PDGFRB: variants seen among roughly 807,000 people sequenced by gnomAD.
PDGFRB encodes the protein platelet-derived growth factor receptor beta.
In PDGFRB, 42 loss-of-function variants were observed where a neutral mutation model predicts 120.2. That is an observed-to-expected ratio of 0.35 (90% CI 0.27 to 0.45). The LOEUF (loss-of-function observed/expected upper bound fraction) is 0.45, where lower values mean the gene tolerates loss of function less well. Among genes scored for constraint, PDGFRB ranks in the 20% least tolerant of loss-of-function variants. The pLI is 1.00. For missense variants in PDGFRB, 1,149 were observed against 1,476.3 expected, an observed-to-expected ratio of 0.78 and a Z score of 3.63; for synonymous variants, 586 against 606.8, an observed-to-expected ratio of 0.97 and a Z score of 0.50.
Position 150,115,117 on chromosome 5 carries a change from T to C in PDGFRB, c.*646A>G. On this transcript the variant is annotated 3_prime_UTR_variant, in exon 23 of 23. Transcript: ENST00000261799. ...GGGCAAGGGCTGCAGGCTGGGGGTG[T>C]CCTGTACTTGGCTCAGCCTCCAGCA... The C allele has an allele frequency of 4.3e-6, 1 of 233,164 alleles. No homozygotes were observed. The highest frequency in any genetic ancestry group is 8.5e-6 in the Non-Finnish European group (1 of 118,030). The allele number at this position is 233,164 out of a possible 1,614,324, so 14.4% of individuals were successfully genotyped here. A position where few individuals can be genotyped will look rare whatever the true frequency, so the allele number is the denominator to read the frequency against.
intron 8 of PDGFRB, among the ~76,000 whole-genome samples, chr5:150,131,223 G>A (rs1434791246): frequency 2.6e-5 from 4 of 152,162 alleles, no homozygotes; most frequent in South Asian, 2.1e-4. Context: ...AGACCTATGC[G>A]ATTTGCCCTT....
chr5:150,142,403 C>G (rs541834080), intron 1 of PDGFRB, among the ~76,000 whole-genome samples: 1 of 152,202 alleles, frequency 6.6e-6, no homozygotes, highest in Non-Finnish European at 1.5e-5. Flanking sequence ...ATTCTCTGCA[C>G]GAGCCCAGCC....
At chr5:150,131,931 G>A in intron 8 of PDGFRB, 48 bp downstream of exon 8, 3 of 981,032 alleles carry the variant, frequency 3.1e-6, no homozygotes, top group Non-Finnish European at 1.6e-6. Flanking sequence ...AGGGAACGGG[G>A]GCAGGGAGGG....
intron 15 of PDGFRB, 84 bp from the exon 16 acceptor site, chr5:150,122,124 C>T: frequency 1.0e-6 from 1 of 985,882 alleles, no homozygotes; most frequent in Non-Finnish European, 1.6e-6. Context: ...TGAATTTCTT[C>T]TCTCACTCAC....
At chr5:150,137,719 A>T (rs1760674512) in intron 1 of PDGFRB, among the ~76,000 whole-genome samples, 1 of 152,194 alleles carries the variant, frequency 6.6e-6, no homozygotes, top group Admixed American at 6.5e-5. Flanking sequence ...GCCAGGCCTC[A>T]CAGGTCCTTG....
chr5:150,144,002 C>G (rs1006274909), intron 1 of PDGFRB, among the ~76,000 whole-genome samples: 2 of 152,148 alleles, frequency 1.3e-5, no homozygotes, highest in Non-Finnish European at 2.9e-5. Context: ...CAGGTACCTA[C>G]AAAGTCCCCT....
intron 1 of PDGFRB, among the ~76,000 whole-genome samples, chr5:150,151,197 G>A (rs960658125): frequency 2.6e-5 from 4 of 152,242 alleles, no homozygotes; most frequent in Non-Finnish European, 5.9e-5. Flanking sequence ...GGCTTGTGCA[G>A]CTGCCAATCT....
At chr5:150,126,422 T>C (rs1760294972) in intron 11 of PDGFRB, 98 bp downstream of exon 11, 2 of 765,062 alleles carry the variant, frequency 2.6e-6, no homozygotes, top group Non-Finnish European at 4.7e-6. Flanking sequence ...GCCCTGCATG[T>C]GGCCAGATCA....
intron 20 of PDGFRB, 34 bp downstream of exon 20, chr5:150,119,433 C>A (rs1760062664): frequency 8.2e-7 from 1 of 1,226,854 alleles, no homozygotes; most frequent in African/African-American, 1.5e-5. Context: ...GTTTGCAGCA[C>A]AAAATCCTCC....
intron 15 of PDGFRB, among the ~76,000 whole-genome samples, chr5:150,122,748 C>T (rs1760177364): frequency 6.6e-6 from 1 of 152,248 alleles, no homozygotes. Context: ...TGGCTCTCAT[C>T]TCACCACAGC....
chr5:150,129,228 C>A (rs981250360), intron 10 of PDGFRB, among the ~76,000 whole-genome samples: 1 of 152,154 alleles, frequency 6.6e-6, no homozygotes, highest in Admixed American at 6.5e-5. Context: ...ATTGTGTACC[C>A]ACCGGTACAT....
rs1761207869 is a variant in PDGFRB at position 150,155,563 on chromosome 5, G to A, written c.-173C>T. The A allele has an allele frequency of 1.5e-5, 6 of 398,726 alleles. No homozygotes were observed. The highest frequency in any genetic ancestry group is 2.7e-5 in the Non-Finnish European group (6 of 226,286). 24.7% of individuals were successfully genotyped at this position (398,726 alleles called of 1,614,324 possible). A position where few individuals can be genotyped will look rare whatever the true frequency, so the allele number is the denominator to read the frequency against. On this transcript the variant is annotated 5_prime_UTR_variant, in exon 1 of 23. Coordinates refer to ENST00000261799, the MANE Select transcript of PDGFRB (RefSeq NM_002609.4). ...GGCAGGACTGGTGCAGGCTCCTGAA[G>A]GCTCAGGAGAACAGAGGGATGGAGG...
rs1470428251 is a variant in PDGFRB, at chr5:150,120,473, G to A, written c.2587-350C>T. ...CTCTGGGCCTAGCGTCCCTCCATCT[G>A]GGGTTTGCGGAAAAGTGGGGAGATG... On this transcript the variant is annotated intron_variant, in intron 18 of 22. Transcript: ENST00000261799. The surrounding 1 kb of genome is among the most constrained non-coding windows in gnomAD (Gnocchi z 4.3). Among the ~76,000 whole-genome samples, 2 of 152,154 alleles carry A rather than the reference G, an allele frequency of 1.3e-5. No individual in the cohort carries two copies. Among genetic ancestry groups the A allele is most frequent in the Non-Finnish European group, 2.9e-5 (2 of 68,014 alleles).
chr5:150,146,482 A>G (rs1760925299), intron 1 of PDGFRB, among the ~76,000 whole-genome samples: 1 of 152,234 alleles, frequency 6.6e-6, no homozygotes, highest in South Asian at 2.1e-4. Flanking sequence ...CCAAGGTCAC[A>G]CAATAAGTAA....
chr5:150,137,922 G>A (rs1760682858), intron 1 of PDGFRB, among the ~76,000 whole-genome samples: 1 of 152,218 alleles, frequency 6.6e-6, no homozygotes, highest in East Asian at 1.9e-4. Flanking sequence ...GAGGTGCCCA[G>A]AGAGACAGCA....
rs763401049 is a variant in PDGFRB, at chr5:150,132,121, G to A, written c.1128-27C>T. ...TGGGGAGCAGGAAAGGCAGCTGTCA[G>A]AGTCGGAAGGACTCTTACAGTTCTC... is the stretch of plus-strand genomic sequence containing the variant. On this transcript the variant is annotated intron_variant, in intron 7 of 22. Transcript: ENST00000261799. The surrounding 1 kb of genome is among the most constrained non-coding windows in gnomAD (Gnocchi z 5.0). 1 of 1,219,270 alleles carries A rather than the reference G, an allele frequency of 8.2e-7. No individual in the cohort carries two copies. Among genetic ancestry groups the A allele is most frequent in the Non-Finnish European group, 1.2e-6 (1 of 821,128 alleles). The allele number at this position is 1,219,270 out of a possible 1,614,324, so 75.5% of individuals were successfully genotyped here.
intron 10 of PDGFRB, among the ~76,000 whole-genome samples, chr5:150,128,536 C>T (rs150243581): frequency 1.5e-4 from 23 of 152,356 alleles, no homozygotes; most frequent in African/African-American, 5.3e-4. Context: ...ACCCTTCCAG[C>T]CCCTAAGTAT....
rs1197658073 is a variant in PDGFRB, at chr5:150,136,755, G to A, written c.40+253C>T. 2.6e-5 allele frequency among the ~76,000 whole-genome samples: 4 copies of A among 152,182 alleles called. No individual in the cohort carries two copies. The South Asian group carries it at 6.2e-4, about 24-fold the overall frequency. ...GGTGTGGGCCAGAAGGTGGGATGGGGTCTGGAGGGCCAATCAAAGGATTTG... is the reference window on the plus strand; with the variant it reads ...GGTGTGGGCCAGAAGGTGGGATGGGATCTGGAGGGCCAATCAAAGGATTTG... On this transcript the variant is annotated intron_variant, in intron 2 of 22. Transcript: ENST00000261799.
Position 150,133,682 on chromosome 5 carries a change from T to C in PDGFRB, c.838A>G (p.Ser280Gly). 6.2e-7 allele frequency: 1 copy of C among 1,613,618 alleles called. No homozygotes were observed. Among genetic ancestry groups the C allele is most frequent in the East Asian group, 2.2e-5 (1 of 44,860 alleles). Residue 280 changes from serine to glycine, a missense_variant, in exon 6 of 23, where the codon AGT (serine) becomes GGT (glycine). Ser to Gly is a moderately conservative substitution (Grantham distance 56, BLOSUM62 0). Coordinates refer to ENST00000261799, the MANE Select transcript of PDGFRB (RefSeq NM_002609.4). The part of the protein sequence containing the change: ...YHIRSILHIP[S>G]AELEDSGTYT... ...GTCCCCGAGTCTTCTAACTCGGCAC[T>C]GGGGATGTGCAGGATGGAGCGGATG...
Sources: gnomAD v4.1 joint callset for allele counts (sites outside exome capture counted in the v4.1 genomes callset) on GRCh38, gnomAD v4.1.1 for gene constraint, Gnocchi (gnomAD v3.1) non-coding constraint, MANE v1.5 for transcripts, NCBI Gene and HGNC (gene_info 2026-07-23, HGNC 2026-07-21) for gene names.